The following SCCPDH variants were observed in gnomAD, a reference collection of about 807,000 sequenced individuals.
The protein encoded by SCCPDH is saccharopine dehydrogenase (putative).
In SCCPDH, 34 loss-of-function variants were observed where a neutral mutation model predicts 51.5. The ratio of observed to expected loss-of-function variants is 0.66; its 90% CI spans 0.50 to 0.88. SCCPDH has a LOEUF of 0.88. Among genes scored for constraint, SCCPDH ranks in the 40% least tolerant of loss-of-function variants. The pLI, the probability that SCCPDH is intolerant of heterozygous loss-of-function variation, is 0.00. For missense variants in SCCPDH, 464 were observed against 527.1 expected, an observed-to-expected ratio of 0.88 and a Z score of 1.17; for synonymous variants, 187 against 191.3, an observed-to-expected ratio of 0.98 and a Z score of 0.19.
At chr1:246,737,600 CT>C (rs376885249) in intron 3 of SCCPDH, among the ~76,000 whole-genome samples, 11 of 150,916 alleles carry the variant, frequency 7.3e-5, no homozygotes, top group Middle Eastern at 3.2e-3. Context: ...GAACCCCCCC[CT>C]TTTTTTTTGA....
At chr1:246,766,017 C>A in intron 10 of SCCPDH, 41 bp from the exon 11 acceptor site, 1 of 1,376,088 alleles carries the variant, frequency 7.3e-7, no homozygotes, top group Non-Finnish European at 1.0e-6. Context: ...ATGGGTACTT[C>A]ATGATTCCTT....
chr1:246,724,834 AT>A (rs921394764), intron 1 of SCCPDH, among the ~76,000 whole-genome samples: 6 of 151,538 alleles, frequency 4.0e-5, no homozygotes, highest in Admixed American at 2.6e-4. Flanking sequence ...ATACACACAC[AT>A]TTTTTTTTCT....
chr1:246,764,417 A>G lies in SCCPDH; in HGVS notation c.1102+60A>G, dbSNP rs1218339962. On this transcript the variant is annotated intron_variant, in intron 10 of 11. Coordinates refer to ENST00000366510, the MANE Select transcript of SCCPDH (RefSeq NM_016002.3). Reference sequence around the variant, plus strand: ...TTTATACTCTTAAGCTATAAAGTACAATGCCATTACAATATATTCTTTTTA... The same window carrying G: ...TTTATACTCTTAAGCTATAAAGTACGATGCCATTACAATATATTCTTTTTA... The G allele has an allele frequency of 3.4e-6, 3 of 872,432 alleles. No homozygotes were observed. In the Admixed American group the frequency reaches 6.4e-5, roughly 19 times the overall value. The allele number at this position is 872,432 out of a possible 1,614,324, so 54.0% of individuals were successfully genotyped here.
chr1:246,746,397 G>A (rs1668762453), intron 5 of SCCPDH, among the ~76,000 whole-genome samples: 1 of 152,194 alleles, frequency 6.6e-6, no homozygotes, highest in Non-Finnish European at 1.5e-5. Context: ...CAACCGGTCA[G>A]GTCAAGGGTC....
At chr1:246,724,661 C>A in intron 1 of SCCPDH, 49 bp downstream of exon 1, 1 of 1,391,018 alleles carries the variant, frequency 7.2e-7, no homozygotes, top group Non-Finnish European at 9.3e-7. Flanking sequence ...GGGCCGGGGA[C>A]CCCGCATCGC....
chr1:246,731,181 C>T (rs1441406646), intron 2 of SCCPDH, among the ~76,000 whole-genome samples: 1 of 152,130 alleles, frequency 6.6e-6, no homozygotes, highest in East Asian at 1.9e-4. Context: ...TCTGACTGTT[C>T]ACCTGTCTCA....
rs902692606 is a variant in SCCPDH at position 246,728,431 on chromosome 1, T to A, written c.303+1427T>A. On this transcript the variant is annotated intron_variant, in intron 2 of 11. Transcript: ENST00000366510. ...TACTCTGGAAAAATCCCAGCCCTGG[T>A]TATTCTCTGCCTGCTCTTCACCTGA... Among the ~76,000 whole-genome samples the A allele has an allele frequency of 1.6e-4, 25 of 152,172 alleles. 1 individual carries two copies. Among genetic ancestry groups the A allele is most frequent in the African/African-American group, 5.5e-4 (23 of 41,442 alleles).
chr1:246,725,958 G>T (rs1668391935), intron 1 of SCCPDH, among the ~76,000 whole-genome samples: 1 of 152,094 alleles, frequency 6.6e-6, no homozygotes, highest in Non-Finnish European at 1.5e-5. Flanking sequence ...TTTTTTGTTT[G>T]TTTGTTTGCC....
rs1040297069 is a variant in SCCPDH, at chr1:246,767,956, A to G, written c.*656A>G. ...TCATTTTATCTTTACGTAATTCTATATCTGTGACTAGGTTTTTAAGGATAC... is the reference window on the plus strand; with the variant it reads ...TCATTTTATCTTTACGTAATTCTATGTCTGTGACTAGGTTTTTAAGGATAC... On this transcript the variant is annotated 3_prime_UTR_variant, in exon 12 of 12. Transcript: ENST00000366510. 2.0e-5 allele frequency: 3 copies of G among 152,122 alleles called. No individual in the cohort carries two copies. Among genetic ancestry groups the G allele is most frequent in the African/African-American group, 7.2e-5 (3 of 41,418 alleles). The allele number at this position is 152,122 out of a possible 1,614,324, so 9.4% of individuals were successfully genotyped here. A position where few individuals can be genotyped will look rare whatever the true frequency, so the allele number is the denominator to read the frequency against.
chr1:246,758,741 A>G (rs148443980), intron 6 of SCCPDH, among the ~76,000 whole-genome samples: 54 of 152,224 alleles, frequency 3.5e-4, no homozygotes, highest in Non-Finnish European at 6.6e-4. Flanking sequence ...AATTTATTTT[A>G]GTTTAGTTTT....
intron 2 of SCCPDH, among the ~76,000 whole-genome samples, chr1:246,733,621 T>C (rs984221828): frequency 2.6e-5 from 4 of 151,748 alleles, no homozygotes; most frequent in Non-Finnish European, 5.9e-5. Context: ...GGCTACACAT[T>C]GAAGCACGTG....
chr1:246,728,761 A>G (rs527629642), intron 2 of SCCPDH, among the ~76,000 whole-genome samples: 1 of 152,204 alleles, frequency 6.6e-6, no homozygotes. Flanking sequence ...AGATCTATCT[A>G]CCTACCTACC....
At chr1:246,748,768 T>G (rs1356650580) in intron 5 of SCCPDH, among the ~76,000 whole-genome samples, 2 of 152,180 alleles carry the variant, frequency 1.3e-5, no homozygotes, top group African/African-American at 2.4e-5. Flanking sequence ...GCACTTCTTT[T>G]ATGATTTTCT....
chr1:246,744,007 A>G, intron 4 of SCCPDH, 69 bp from the exon 5 acceptor site: 1 of 942,812 alleles, frequency 1.1e-6, no homozygotes, highest in East Asian at 2.4e-5. Context: ...CGCATTGTTT[A>G]TTATTACTTA....
At chr1:246,726,401 A>ATT (rs34215381) in intron 1 of SCCPDH, among the ~76,000 whole-genome samples, 1 of 143,976 alleles carries the variant, frequency 6.9e-6, no homozygotes, top group African/African-American at 2.5e-5. Context: ...ATGTCAGATA[A>ATT]TTTTTTTTTT....
intron 5 of SCCPDH, among the ~76,000 whole-genome samples, chr1:246,750,799 C>T (rs1278378949): frequency 6.6e-6 from 1 of 152,204 alleles, no homozygotes; most frequent in Non-Finnish European, 1.5e-5. Flanking sequence ...CAATTGGAGG[C>T]ATCTCTGTGT....
At chr1:246,752,041 A>G (rs1668858625) in intron 5 of SCCPDH, among the ~76,000 whole-genome samples, 1 of 151,692 alleles carries the variant, frequency 6.6e-6, no homozygotes, top group Non-Finnish European at 1.5e-5. Context: ...CGGCCTCCCA[A>G]AGTGCTGGGA....
Position 246,737,448 on chromosome 1 carries a change from C to T in SCCPDH, c.384+1393C>T, listed in dbSNP as rs12042730. Among the ~76,000 whole-genome samples, 82 of 152,242 alleles carry T rather than the reference C, an allele frequency of 5.4e-4. 1 individual carries two copies. In the East Asian group the frequency reaches 0.015, roughly 28 times the overall value. ...AATGAGCTATGATCATGCCACTGCA[C>T]TCCAGCCTGGGCAACATAGTGAGAC... On this transcript the variant is annotated intron_variant, in intron 3 of 11. Coordinates refer to ENST00000366510, the MANE Select transcript of SCCPDH (RefSeq NM_016002.3).
intron 2 of SCCPDH, among the ~76,000 whole-genome samples, chr1:246,732,693 C>G (rs1484078608): frequency 6.6e-6 from 1 of 152,096 alleles, no homozygotes; most frequent in Non-Finnish European, 1.5e-5. Flanking sequence ...CAGCCTGCTT[C>G]CAGGTTTTAA....
Sources: gnomAD v4.1 joint callset for allele counts (sites outside exome capture counted in the v4.1 genomes callset) on GRCh38, gnomAD v4.1.1 for gene constraint, MANE v1.5 for transcripts, NCBI Gene and HGNC (gene_info 2026-07-23, HGNC 2026-07-21) for gene names.